Variants in GPC3 observed in about 807,000 individuals in gnomAD.
GPC3 encodes the protein glypican 3.
In GPC3, 3 loss-of-function variants were observed where a neutral mutation model predicts 34.4. That is an observed-to-expected ratio of 0.09 (90% CI 0.04 to 0.23). The LOEUF is 0.23. Among genes scored for constraint, GPC3 ranks in the 10% least tolerant of loss-of-function variants. GPC3 has a pLI of 1.00. For synonymous variants in GPC3, 177 were observed against 174.0 expected (o/e 1.02, Z -0.13); for missense variants, 351 against 445.6 (o/e 0.79, Z 1.91).
At chrX:133,872,801 A>G (rs1201905291) in intron 2 of GPC3, among the ~76,000 whole-genome samples, 1 of 111,599 alleles carries the variant, frequency 9.0e-6, no homozygotes, top group Admixed American at 9.6e-5. Context: ...CAGGACCAGC[A>G]CCAATGCTAG....
At chrX:133,539,416 C>A (rs1254901396) in intron 7 of GPC3, among the ~76,000 whole-genome samples, 1 of 112,471 alleles carries the variant, frequency 8.9e-6, no homozygotes, top group East Asian at 2.8e-4. Flanking sequence ...CCAAAGAGAA[C>A]TTCCAAACAG....
At position 133,798,661 on chromosome X, in the gene GPC3, T is replaced by C. The variant is rs138792853; in HGVS notation, c.338-44485A>G. ...AATGTTGTTGCTGCTGTTGCTGCTA[T>C]AATTGTGATAAACACTTTATGTTTT... On this transcript the variant is annotated intron_variant, in intron 2 of 7. Coordinates refer to ENST00000370818, the MANE Select transcript of GPC3 (RefSeq NM_004484.4). Among the ~76,000 whole-genome samples the C allele has an allele frequency of 8.1e-3, 910 of 112,662 alleles. 11 individuals are homozygous for C. The highest frequency in any genetic ancestry group is 0.028 in the African/African-American group (858 of 31,026).
At chrX:133,604,991 G>A (rs1041485497) in intron 6 of GPC3, among the ~76,000 whole-genome samples, 9 of 111,710 alleles carry the variant, frequency 8.1e-5, no homozygotes, top group East Asian at 2.8e-4. Context: ...TTATTTATAC[G>A]TTGTGCACAT....
chrX:133,567,513 G>A (rs1229448144), intron 7 of GPC3, among the ~76,000 whole-genome samples: 3 of 112,016 alleles, frequency 2.7e-5, no homozygotes, highest in Non-Finnish European at 5.6e-5. Flanking sequence ...CTGTGGCAGA[G>A]CCCTTTTAGT....
chrX:133,773,805 T>C (rs1292884752), intron 2 of GPC3, among the ~76,000 whole-genome samples: 2 of 111,788 alleles, frequency 1.8e-5, no homozygotes, highest in Non-Finnish European at 3.8e-5. Flanking sequence ...TATGCTTTTA[T>C]ATGAGTATAG....
intron 5 of GPC3, among the ~76,000 whole-genome samples, chrX:133,670,812 T>C (rs1382175153): frequency 8.9e-6 from 1 of 112,283 alleles, no homozygotes; most frequent in African/African-American, 3.2e-5. Context: ...CAGTGTTAAT[T>C]TACATAAATG....
chrX:133,843,298 T>A lies in GPC3; in HGVS notation c.338-89122A>T, dbSNP rs1319186740. ...ATCATGGGGACAGATCCCTCATGAA[T>A]GGTTTAGCACCATCTCCTTGGTTAC... On this transcript the variant is annotated intron_variant, in intron 2 of 7. Transcript: ENST00000370818. Among the ~76,000 whole-genome samples the A allele has an allele frequency of 9.0e-5, 10 of 111,668 alleles. No homozygotes were observed. The Admixed American group carries it at 9.5e-4, about 11-fold the overall frequency.
chrX:133,548,553 G>A (rs1055632352), intron 7 of GPC3, among the ~76,000 whole-genome samples: 1 of 111,955 alleles, frequency 8.9e-6, no homozygotes, highest in African/African-American at 3.2e-5. Context: ...ACCCTATCCA[G>A]TAATCAACAG....
chrX:133,650,071 A>T (rs1012876515), intron 6 of GPC3, among the ~76,000 whole-genome samples: 2 of 112,083 alleles, frequency 1.8e-5, no homozygotes, highest in Non-Finnish European at 3.8e-5. Context: ...GGCATGTGAA[A>T]TACACACACA....
At chrX:133,638,836 AG>A (rs1426495285) in intron 6 of GPC3, among the ~76,000 whole-genome samples, 1 of 110,143 alleles carries the variant, frequency 9.1e-6, no homozygotes, top group Non-Finnish European at 1.9e-5. Context: ...AAAAAAAAAA[AG>A]AAAAAAATCG....
chrX:133,944,269 T>A (rs779801239), intron 2 of GPC3, among the ~76,000 whole-genome samples: 151 of 111,800 alleles, frequency 1.4e-3, no homozygotes, highest in African/African-American at 4.7e-3. Context: ...TGCAACCTGA[T>A]GAGTGCTAGA....
chrX:133,843,509 G>A (rs1261949811), intron 2 of GPC3, among the ~76,000 whole-genome samples: 4 of 111,474 alleles, frequency 3.6e-5, no homozygotes, highest in African/African-American at 1.3e-4. Flanking sequence ...TGTACAGCCA[G>A]TAGAATCATG....
chrX:133,866,886 A>G (rs1173848861), intron 2 of GPC3, among the ~76,000 whole-genome samples: 1 of 110,989 alleles, frequency 9.0e-6, no homozygotes, highest in Non-Finnish European at 1.9e-5. Flanking sequence ...CTCCTAGCCC[A>G]CCATTTAGCA....
At chrX:133,674,514 A>G (rs2070864088) in intron 5 of GPC3, among the ~76,000 whole-genome samples, 1 of 111,550 alleles carries the variant, frequency 9.0e-6, no homozygotes, top group Admixed American at 9.5e-5. Flanking sequence ...AGCTGAGAGG[A>G]ACTTTTTAGC....
rs931780871 is a variant in GPC3 at position 133,631,460 on chromosome X, A to T, written c.1413+30270T>A. Among the ~76,000 whole-genome samples the T allele has an allele frequency of 8.9e-4, 100 of 111,971 alleles. 1 individual carries two copies. Among genetic ancestry groups the T allele is most frequent in the African/African-American group, 3.1e-3 (97 of 30,920 alleles). On this transcript the variant is annotated intron_variant, in intron 6 of 7. Transcript: ENST00000370818. ...TCTTTTTAAGGCTGAATAATATTCC[A>T]TTGTATGTATATACCAAATTTTTTC...
intron 1 of GPC3, among the ~76,000 whole-genome samples, chrX:133,979,842 G>C (rs1433590074): frequency 9.0e-6 from 1 of 111,653 alleles, no homozygotes; most frequent in Admixed American, 9.6e-5. Flanking sequence ...AGATTTTTCT[G>C]CCCACACTGT....
intron 2 of GPC3, among the ~76,000 whole-genome samples, chrX:133,846,144 T>A (rs1465154294): frequency 8.9e-6 from 1 of 112,255 alleles, no homozygotes; most frequent in Non-Finnish European, 1.9e-5. Flanking sequence ...GAAATTAGTA[T>A]ACCAGGCACT....
At chrX:133,878,712 G>A (rs2076028344) in intron 2 of GPC3, among the ~76,000 whole-genome samples, 1 of 111,674 alleles carries the variant, frequency 9.0e-6, no homozygotes, top group South Asian at 3.8e-4. Context: ...CCACATCTTG[G>A]TTTTAAAAGG....
chrX:133,803,677 A>C (rs1011710278), intron 2 of GPC3, among the ~76,000 whole-genome samples: 2 of 112,072 alleles, frequency 1.8e-5, no homozygotes, highest in African/African-American at 6.5e-5. Context: ...GATAACCCTT[A>C]CAACAAAATC....
Sources: allele counts gnomAD v4.1 joint callset (sites outside exome capture counted in the v4.1 genomes callset), GRCh38; gene constraint gnomAD v4.1.1; transcripts MANE v1.5; gene names NCBI Gene and HGNC (gene_info 2026-07-23, HGNC 2026-07-21).